Variants in FBXO31 observed in about 807,000 individuals in gnomAD.
The protein encoded by FBXO31 is F-box protein 31, also known as F-box only protein 31.
Under a neutral mutation model 54.4 loss-of-function variants are expected in FBXO31, and 24 were observed. The ratio of observed to expected loss-of-function variants is 0.44; its 90% CI spans 0.32 to 0.62. The LOEUF (loss-of-function observed/expected upper bound fraction) is 0.62. Among genes scored for constraint, FBXO31 ranks in the 20% least tolerant of loss-of-function variants. The pLI is 0.05. For synonymous variants in FBXO31, 388 were observed against 335.6 expected, an observed-to-expected ratio of 1.16 and a Z score of -1.71; for missense variants, 665 against 787.1, an observed-to-expected ratio of 0.84 and a Z score of 1.86.
At position 87,345,990 on chromosome 16, in the gene FBXO31, G is replaced by C. The variant is rs1413848704; in HGVS notation, c.489+1184C>G. Among the ~76,000 whole-genome samples, 1 of 152,258 alleles carries C rather than the reference G, an allele frequency of 6.6e-6. No individual in the cohort carries two copies. The highest frequency in any genetic ancestry group is 6.5e-5 in the Admixed American group (1 of 15,294). On this transcript the variant is annotated intron_variant, in intron 3 of 8. Transcript: ENST00000311635. This position sits in a 1 kb window ranked among gnomAD's most constrained non-coding sequence, Gnocchi z 4.9. ...GGCACCTGCGGAATCCTGAGTGAGG[G>C]GTGGGAGGTGGAGGAGGGAAGCAGA...
intron 2 of FBXO31, among the ~76,000 whole-genome samples, chr16:87,348,801 C>T (rs540034839): frequency 8.5e-5 from 13 of 152,204 alleles, no homozygotes; most frequent in Admixed American, 1.3e-4. Context: ...GCAGGACCAG[C>T]GCAGGGTGGA....
intron 1 of FBXO31, chr16:87,388,778 A>T (rs1907412391): frequency 6.6e-6 from 1 of 152,226 alleles, no homozygotes; most frequent in African/African-American, 2.4e-5. Context: ...AAAAAGGAAT[A>T]GGGTGCCACT....
At chr16:87,383,927 G>T, upstream of FBXO31, 1 of 304,438 alleles carries the variant, frequency 3.3e-6, no homozygotes, top group Non-Finnish European at 5.6e-6. This position sits in a 1 kb window ranked among gnomAD's most constrained non-coding sequence, Gnocchi z 4.9. Context: ...CGACCTCAGA[G>T]ACCCCGCACT....
chr16:87,374,882 C>T (rs1906753934), intron 1 of FBXO31, among the ~76,000 whole-genome samples: 2 of 152,324 alleles, frequency 1.3e-5, no homozygotes, highest in South Asian at 4.1e-4. Context: ...CATGAAGTAG[C>T]TCATAAATGA....
At chr16:87,371,261 T>C (rs1034355804) in intron 1 of FBXO31, among the ~76,000 whole-genome samples, 27 of 152,220 alleles carry the variant, frequency 1.8e-4, no homozygotes, top group African/African-American at 6.5e-4. Flanking sequence ...AGTAGCCATG[T>C]GGACAGGAGA....
intron 2 of FBXO31, among the ~76,000 whole-genome samples, chr16:87,357,642 A>C (rs959628835): frequency 6.6e-6 from 1 of 152,106 alleles, no homozygotes; most frequent in Non-Finnish European, 1.5e-5. Context: ...AGAAGAATTA[A>C]GTTCTAAAGA....
upstream of FBXO31, chr16:87,383,840 C>A (rs1042373570): frequency 1.1e-6 from 1 of 914,172 alleles, no homozygotes; most frequent in African/African-American, 1.8e-5. This position sits in a 1 kb window ranked among gnomAD's most constrained non-coding sequence, Gnocchi z 4.9. Flanking sequence ...CAGAGCTCGC[C>A]ACGCCCCCTG....
chr16:87,349,962 A>G (rs1218627914), intron 2 of FBXO31, among the ~76,000 whole-genome samples: 1 of 152,156 alleles, frequency 6.6e-6, no homozygotes, highest in Non-Finnish European at 1.5e-5. Context: ...ACAGTCACTG[A>G]AGACAATTTA....
At chr16:87,332,572 AC>A (rs1349960978) in intron 8 of FBXO31, among the ~76,000 whole-genome samples, 1 of 151,878 alleles carries the variant, frequency 6.6e-6, no homozygotes, top group Non-Finnish European at 1.5e-5. Context: ...CTCTCTGTAA[AC>A]CCCCCAGTCA....
At chr16:87,352,734 C>A (rs972113637) in intron 2 of FBXO31, among the ~76,000 whole-genome samples, 6 of 152,242 alleles carry the variant, frequency 3.9e-5, no homozygotes, top group Non-Finnish European at 8.8e-5. Flanking sequence ...TCAACTCATT[C>A]CTCTAATTCC....
rs74038725 is a variant in FBXO31, at chr16:87,328,918, A to T, written c.*2370T>A. 0.16 allele frequency: 24,033 copies of T among 152,202 alleles called. 2,109 individuals are homozygous for T. The highest frequency in any genetic ancestry group is 0.34 in the South Asian group (1,622 of 4,816). 9.4% of individuals were successfully genotyped at this position (152,202 alleles called of 1,614,324 possible). ...TTTTATCCAACTCTCAGCTGCCCTT[A>T]GGCCTCTGATGACGACATCAGCCCT... On this transcript the variant is annotated 3_prime_UTR_variant, in exon 9 of 9. Coordinates refer to ENST00000311635, the MANE Select transcript of FBXO31 (RefSeq NM_024735.5).
rs139473738 is a variant in FBXO31, at chr16:87,335,246, C to T, written c.996+58G>A. ...TGTCTGCCCAAGTTCCCTGACTCCA[C>T]AGCCCACTTGGGCCAGGTGCCCCCA... is the stretch of plus-strand genomic sequence containing the variant. On this transcript the variant is annotated intron_variant, in intron 7 of 8. Coordinates refer to ENST00000311635, the MANE Select transcript of FBXO31 (RefSeq NM_024735.5). This position sits in a 1 kb window ranked among gnomAD's most constrained non-coding sequence, Gnocchi z 5.7. 9.2e-4 allele frequency: 1,484 copies of T among 1,605,000 alleles called. 9 individuals are homozygous for T. The African/African-American group carries it at 0.018, about 19-fold the overall frequency.
chr16:87,346,322 G>A lies in FBXO31; in HGVS notation c.489+852C>T, dbSNP rs1283800218. On this transcript the variant is annotated intron_variant, in intron 3 of 8. Transcript: ENST00000311635. This position sits in a 1 kb window ranked among gnomAD's most constrained non-coding sequence, Gnocchi z 4.2. ...GCAAGTGCCCAGGCGCACAGTGAGGGGTGGGGGGCATCCAACACGCCTGGA... is the reference window on the plus strand; with the variant it reads ...GCAAGTGCCCAGGCGCACAGTGAGGAGTGGGGGGCATCCAACACGCCTGGA... Among the ~76,000 whole-genome samples the A allele has an allele frequency of 1.3e-5, 2 of 152,082 alleles. No homozygotes were observed. The highest frequency in any genetic ancestry group is 4.8e-5 in the African/African-American group (2 of 41,354).
chr16:87,339,736 C>G (rs1485462543), intron 5 of FBXO31, among the ~76,000 whole-genome samples: 1 of 152,220 alleles, frequency 6.6e-6, no homozygotes, highest in African/African-American at 2.4e-5. Flanking sequence ...CAAGAAGAGA[C>G]AGCAAGGGGA....
chr16:87,388,059 A>T (rs188251071), upstream of FBXO31, among the ~76,000 whole-genome samples: 4 of 152,224 alleles, frequency 2.6e-5, no homozygotes, highest in African/African-American at 9.6e-5. Flanking sequence ...GTCCTACAGA[A>T]TTTGTTTAGA....
intron 2 of FBXO31, among the ~76,000 whole-genome samples, chr16:87,359,546 G>A (rs974573308): frequency 6.6e-6 from 1 of 152,140 alleles, no homozygotes; most frequent in African/African-American, 2.4e-5. Context: ...TGACCCAAAT[G>A]GCCTAAGAAA....
rs545928658 is a variant in FBXO31, at chr16:87,350,573, G to A, written c.413-3323C>T. ...GCATTTAGGAGTGAAACGTACTGAC[G>A]CCTGCAAGTGTGAAATGCATCAGAA... is the stretch of plus-strand genomic sequence containing the variant. On this transcript the variant is annotated intron_variant, in intron 2 of 8. Transcript: ENST00000311635. Among the ~76,000 whole-genome samples, 658 of 152,282 alleles carry A rather than the reference G, an allele frequency of 4.3e-3. 1 individual carries two copies. The highest frequency in any genetic ancestry group is 6.3e-3 in the Non-Finnish European group (429 of 68,018).
rs1301077113 is a variant in FBXO31, at chr16:87,338,684, C to A, written c.733-2420G>T. ...AATGGCCTCCCGGGGTGGGGGTGAC[C>A]CACACAGAGATGCAGGGATGCCAAA... On this transcript the variant is annotated intron_variant, in intron 5 of 8. Transcript: ENST00000311635. The surrounding 1 kb of genome is among the most constrained non-coding windows in gnomAD (Gnocchi z 4.3). 6.6e-6 allele frequency among the ~76,000 whole-genome samples: 1 copy of A among 152,094 alleles called. No homozygotes were observed. The highest frequency in any genetic ancestry group is 1.5e-5 in the Non-Finnish European group (1 of 68,022).
upstream of FBXO31, among the ~76,000 whole-genome samples, chr16:87,384,691 G>A (rs1357644078): frequency 6.6e-6 from 1 of 152,254 alleles, no homozygotes; most frequent in East Asian, 1.9e-4. Context: ...ATCGAGGCCA[G>A]GAGCTCGAGA....
Sources: gnomAD v4.1 joint callset for allele counts (sites outside exome capture counted in the v4.1 genomes callset) on GRCh38, gnomAD v4.1.1 for gene constraint, Gnocchi (gnomAD v3.1) non-coding constraint, MANE v1.5 for transcripts, NCBI Gene and HGNC (gene_info 2026-07-23, HGNC 2026-07-21) for gene names.